The following EMSY variants were observed in gnomAD, a reference collection of about 807,000 sequenced individuals.
The protein encoded by EMSY is EMSY transcriptional repressor, BRCA2 interacting.
A neutral mutation model predicts 134.6 loss-of-function variants in EMSY; 26 were observed. That is an observed-to-expected ratio of 0.19 (90% CI 0.14 to 0.27). The LOEUF is 0.27. Ranked by LOEUF, EMSY falls within the 10% of genes least tolerant of loss-of-function variation. The probability of loss-of-function intolerance (pLI) is 1.00; values close to 1 mark genes in which losing one functional copy is unlikely to be tolerated. For synonymous variants in EMSY, 579 were observed against 577.8 expected, an observed-to-expected ratio of 1.00 and a Z score of -0.03; for missense variants, 1,305 against 1,611.4, an observed-to-expected ratio of 0.81 and a Z score of 3.26.
At chr11:76,498,524 A>T (rs1161156157) in intron 9 of EMSY, among the ~76,000 whole-genome samples, 1 of 152,224 alleles carries the variant, frequency 6.6e-6, no homozygotes, top group Non-Finnish European at 1.5e-5. Context: ...TTTGATGCAT[A>T]CATATTTAGA....
intron 8 of EMSY, among the ~76,000 whole-genome samples, chr11:76,493,819 C>T (rs1047328273): frequency 2.6e-5 from 4 of 152,206 alleles, no homozygotes; most frequent in Admixed American, 2.6e-4. Context: ...GAACTGGAGA[C>T]CCGCCAAATG....
chr11:76,550,002 G>A lies in EMSY; in HGVS notation c.3825G>A (p.Val1275=), dbSNP rs1306436379. Residue 1275 remains valine (V), a synonymous_variant, in exon 21 of 21, where the codon GTG becomes GTA. Transcript: ENST00000334736. ...GTCACTCCAGCTCCAATGTGGTGGT[G>A]GAGCCCAGTGGGCTTCTTGAGCTAA... 6.8e-6 allele frequency: 11 copies of A among 1,613,662 alleles called. No homozygotes were observed. The Admixed American group carries it at 1.8e-4, about 27-fold the overall frequency.
intron 1 of EMSY, among the ~76,000 whole-genome samples, chr11:76,445,856 T>A (rs747605099): frequency 6.6e-6 from 1 of 152,184 alleles, no homozygotes; most frequent in Non-Finnish European, 1.5e-5. Context: ...CTTTTCTTTA[T>A]GTCATACTGC....
At chr11:76,516,544 T>G in intron 11 of EMSY, 1 of 297,868 alleles carries the variant, frequency 3.4e-6, no homozygotes, top group Non-Finnish European at 6.1e-6. Flanking sequence ...TTGCTTTTAG[T>G]CAGAGTGGAA....
chr11:76,550,118 C>A (rs1951794533), exon 21 of EMSY: 2 of 1,613,030 alleles, frequency 1.2e-6, no homozygotes, highest in Non-Finnish European at 1.7e-6. Context: ...GAACCCAGCC[C>A]TTCTCAGAGC....
chr11:76,463,800 A>G (rs1208824192), intron 6 of EMSY, 21 bp from the exon 8 acceptor site: 12 of 1,613,232 alleles, frequency 7.4e-6, no homozygotes, highest in East Asian at 2.2e-5. Context: ...TACATATAGC[A>G]GTATTGTCAT....
intron 2 of EMSY, among the ~76,000 whole-genome samples, chr11:76,451,093 G>A (rs973202675): frequency 6.6e-6 from 1 of 152,080 alleles, no homozygotes; most frequent in African/African-American, 2.4e-5. Flanking sequence ...CACTGCACCC[G>A]GCCTGACAGT....
chr11:76,450,321 A>G (rs1947606683), intron 2 of EMSY, among the ~76,000 whole-genome samples: 1 of 152,046 alleles, frequency 6.6e-6, no homozygotes, highest in Admixed American at 6.6e-5. Flanking sequence ...TGGGTCCGAT[A>G]AAAGCTGAAA....
In EMSY at chr11:76,491,481, C is replaced by T. The variant is rs74575265; in HGVS notation, c.1109-4734C>T. ...TAGGCATGAGCCACTGTGTCCAGCC[C>T]CGCCTGAGTTCTGACACCTTCCCTC... On this transcript the variant is annotated intron_variant, in intron 8 of 20. Transcript: ENST00000334736. 1.7e-3 allele frequency among the ~76,000 whole-genome samples: 254 copies of T among 152,142 alleles called. 3 individuals are homozygous for T. In the East Asian group the frequency reaches 0.04, roughly 24 times the overall value.
At chr11:76,494,124 G>A (rs1949534244) in intron 8 of EMSY, among the ~76,000 whole-genome samples, 1 of 152,262 alleles carries the variant, frequency 6.6e-6, no homozygotes, top group Admixed American at 6.5e-5. Flanking sequence ...GCCTGGAGCT[G>A]CCCGCCCCAC....
intron 11 of EMSY, among the ~76,000 whole-genome samples, chr11:76,518,025 G>A (rs1950507450): frequency 1.3e-5 from 2 of 151,940 alleles, no homozygotes; most frequent in South Asian, 4.2e-4. Flanking sequence ...TGGGATTATA[G>A]GTTAGTTTTA....
At chr11:76,448,980 C>G (rs1947538996) in intron 2 of EMSY, among the ~76,000 whole-genome samples, 2 of 152,056 alleles carry the variant, frequency 1.3e-5, no homozygotes, top group Non-Finnish European at 2.9e-5. Flanking sequence ...TTGCCTCTCC[C>G]CTTCCCTATT....
At chr11:76,523,361 G>C in intron 12 of EMSY, 70 bp downstream of exon 13, 1 of 1,522,388 alleles carries the variant, frequency 6.6e-7, no homozygotes, top group Non-Finnish European at 8.8e-7. Flanking sequence ...ATAAATATTT[G>C]CACAAGGACT....
intron 1 of EMSY, among the ~76,000 whole-genome samples, chr11:76,445,933 G>T (rs1947368059): frequency 6.6e-6 from 1 of 152,198 alleles, no homozygotes; most frequent in Non-Finnish European, 1.5e-5. Flanking sequence ...ACTATGGGAA[G>T]TAGGGGGAGG....
chr11:76,541,300 G>A (rs1951431702), intron 17 of EMSY, among the ~76,000 whole-genome samples: 1 of 152,178 alleles, frequency 6.6e-6, no homozygotes, highest in African/African-American at 2.4e-5. Context: ...TGGGACCTTT[G>A]TAGCAATAGA....
At chr11:76,503,887 C>T (rs1231675484) in intron 9 of EMSY, among the ~76,000 whole-genome samples, 1 of 152,040 alleles carries the variant, frequency 6.6e-6, no homozygotes, top group Non-Finnish European at 1.5e-5. Context: ...TGGGTTCAAG[C>T]AATTCTCCTG....
intron 9 of EMSY, among the ~76,000 whole-genome samples, chr11:76,500,541 T>C (rs1047104859): frequency 6.6e-6 from 1 of 152,132 alleles, no homozygotes; most frequent in Non-Finnish European, 1.5e-5. Flanking sequence ...TTAGAAGAAA[T>C]ATCAAAAATG....
intron 7 of EMSY, among the ~76,000 whole-genome samples, chr11:76,468,731 C>T (rs563922711): frequency 6.6e-6 from 1 of 152,252 alleles, no homozygotes; most frequent in Admixed American, 6.5e-5. Context: ...ACATTTCCAC[C>T]TGTGTTAATG....
intron 8 of EMSY, among the ~76,000 whole-genome samples, chr11:76,494,991 C>T (rs1435264371): frequency 6.6e-6 from 1 of 152,152 alleles, no homozygotes; most frequent in Non-Finnish European, 1.5e-5. Flanking sequence ...CTGCCTCAGC[C>T]TCCCAAAGTG....
Sources: gnomAD v4.1 joint callset for allele counts (sites outside exome capture counted in the v4.1 genomes callset) on GRCh38, gnomAD v4.1.1 for gene constraint, MANE v1.5 for transcripts, NCBI Gene and HGNC (gene_info 2026-07-23, HGNC 2026-07-21) for gene names.